The following SLC52A3 variants were observed in gnomAD, a reference collection of about 807,000 sequenced individuals.
SLC52A3 encodes the protein solute carrier family 52, riboflavin transporter, member 3.
Under a neutral mutation model 29.5 loss-of-function variants are expected in SLC52A3, and 20 were observed. That is an observed-to-expected ratio of 0.68 (90% CI 0.48 to 0.99). The LOEUF (loss-of-function observed/expected upper bound fraction) is 0.99, where lower values mean the gene tolerates loss of function less well. Among genes scored for constraint, SLC52A3 ranks in the 50% least tolerant of loss-of-function variants. The pLI is 0.00. For synonymous variants in SLC52A3, 301 were observed against 271.0 expected (o/e 1.11, Z -1.09); for missense variants, 548 against 612.9 (o/e 0.89, Z 1.12).
At chr20:773,258 G>A (rs561653179), upstream of SLC52A3, among the ~76,000 whole-genome samples, 7 of 152,308 alleles carry the variant, frequency 4.6e-5, no homozygotes, top group African/African-American at 1.7e-4. Context: ...AACCATAGCT[G>A]CCACTCCTCA....
upstream of SLC52A3, among the ~76,000 whole-genome samples, chr20:778,766 G>T (rs1020825651): frequency 6.8e-6 from 1 of 147,742 alleles, no homozygotes; most frequent in African/African-American, 2.5e-5. Context: ...TCACTCTGTC[G>T]CCCAGGCTGG....
Position 760,624 on chromosome 20 carries a change from A to C in SLC52A3, c.*402T>G. The C allele has an allele frequency of 9.3e-6, 2 of 214,398 alleles. No individual in the cohort carries two copies. Among genetic ancestry groups the C allele is most frequent in the East Asian group, 1.1e-4 (1 of 9,426 alleles). The allele number at this position is 214,398 out of a possible 1,614,324, so 13.3% of individuals were successfully genotyped here. A position where few individuals can be genotyped will look rare whatever the true frequency, so the allele number is the denominator to read the frequency against. Reference sequence around the variant, plus strand: ...GTGCCATGCCTGTGAGGTAGTTGGTACTTACTGGAATCCCCACTGCATGCA... The same window carrying C: ...GTGCCATGCCTGTGAGGTAGTTGGTCCTTACTGGAATCCCCACTGCATGCA... On this transcript the variant is annotated 3_prime_UTR_variant, in exon 5 of 5. Coordinates refer to ENST00000645534, the MANE Select transcript of SLC52A3 (RefSeq NM_033409.4). The surrounding 1 kb of genome is among the most constrained non-coding windows in gnomAD (Gnocchi z 4.9).
chr20:763,171 A>G (rs1986546650), intron 3 of SLC52A3, among the ~76,000 whole-genome samples: 1 of 152,220 alleles, frequency 6.6e-6, no homozygotes, highest in South Asian at 2.1e-4. Flanking sequence ...ACTGATGACA[A>G]TGATGGTCAA....
intron 1 of SLC52A3, among the ~76,000 whole-genome samples, 165 bp downstream of exon 1, chr20:768,132 C>T (rs943613642): frequency 6.6e-6 from 1 of 152,212 alleles, no homozygotes; most frequent in African/African-American, 2.4e-5. Flanking sequence ...CTGTTTCCAA[C>T]AGTCCCAGCA....
Position 765,194 on chromosome 20 carries a change from G to C in SLC52A3, c.567+14C>G. ...AAGCCAAGTGCTGAGATGGCTCCGGGTGATGCTGGGTACCTGTGCGATGTC... is the reference window on the plus strand; with the variant it reads ...AAGCCAAGTGCTGAGATGGCTCCGGCTGATGCTGGGTACCTGTGCGATGTC... On this transcript the variant is annotated intron_variant, in intron 2 of 4. Transcript: ENST00000645534. This position sits in a 1 kb window ranked among gnomAD's most constrained non-coding sequence, Gnocchi z 6.6. 6.2e-7 allele frequency: 1 copy of C among 1,614,112 alleles called. No individual in the cohort carries two copies. The highest frequency in any genetic ancestry group is 8.5e-7 in the Non-Finnish European group (1 of 1,179,972).
chr20:764,010 A>G lies in SLC52A3; in HGVS notation c.568-7T>C. 1 of 1,428,320 alleles carries G rather than the reference A, an allele frequency of 7.0e-7. No homozygotes were observed. The highest frequency in any genetic ancestry group is 9.4e-7 in the Non-Finnish European group (1 of 1,062,804). The allele number at this position is 1,428,320 out of a possible 1,614,324, so 88.5% of individuals were successfully genotyped here. ...CCAAAGCTCTGGGAACTCCCTGCAA[A>G]GGACAAGACAGATCCCTGGTCAGGG... On this transcript the variant is annotated splice_region_variant and splice_polypyrimidine_tract_variant and intron_variant, in intron 2 of 4. Coordinates refer to ENST00000645534, the MANE Select transcript of SLC52A3 (RefSeq NM_033409.4).
At chr20:771,399 C>T (rs959313598), upstream of SLC52A3, among the ~76,000 whole-genome samples, 14 of 151,402 alleles carry the variant, frequency 9.2e-5, no homozygotes, top group South Asian at 2.1e-4. Flanking sequence ...TGCACTCTAG[C>T]CTCGGCGACA....
At chr20:774,970 A>G (rs982546832) in intron 1 of SLC52A3, among the ~76,000 whole-genome samples, 1 of 152,266 alleles carries the variant, frequency 6.6e-6, no homozygotes, top group Admixed American at 6.5e-5. Flanking sequence ...GGGAATGCCC[A>G]GCCTTTCTGG....
chr20:764,114 A>C, intron 2 of SLC52A3, 111 bp from the exon 3 acceptor site: 1 of 1,145,470 alleles, frequency 8.7e-7, no homozygotes, highest in Non-Finnish European at 1.2e-6. Flanking sequence ...ATGGATAATG[A>C]ATAAATAAAC....
In SLC52A3 at chr20:765,158, C is replaced by A. The variant is rs770232217; in HGVS notation, c.567+50G>T. On this transcript the variant is annotated intron_variant, in intron 2 of 4. Transcript: ENST00000645534. The surrounding 1 kb of genome is among the most constrained non-coding windows in gnomAD (Gnocchi z 6.6). ...AGGTGAGCAGTTTTTCCCTCCCCTA[C>A]ATTTGTGATAAAGCCAAGTGCTGAG... 1.2e-6 allele frequency: 2 copies of A among 1,607,964 alleles called. No individual in the cohort carries two copies. Among genetic ancestry groups the A allele is most frequent in the Admixed American group, 1.7e-5 (1 of 59,972 alleles).
At chr20:763,125 A>G (rs1322347372) in intron 3 of SLC52A3, among the ~76,000 whole-genome samples, 1 of 152,186 alleles carries the variant, frequency 6.6e-6, no homozygotes, top group Non-Finnish European at 1.5e-5. Flanking sequence ...CCCCTTATAA[A>G]CGGGAACCTC....
chr20:761,346 T>C, intron 4 of SLC52A3, 108 bp from the exon 5 acceptor site: 2 of 1,241,230 alleles, frequency 1.6e-6, no homozygotes, highest in Non-Finnish European at 1.1e-6. Context: ...ACTCTCTAGG[T>C]GCGAGGAGCG....
upstream of SLC52A3, among the ~76,000 whole-genome samples, chr20:779,178 A>G (rs1051439234): frequency 6.6e-5 from 10 of 152,372 alleles, no homozygotes; most frequent in East Asian, 1.7e-3. Flanking sequence ...ATAATCTTAT[A>G]TGGTAAATTC....
rs371883183 is a variant in SLC52A3, at chr20:761,097, T to C, written c.1339A>G (p.Met447Val). The change falls in exon 5 of 5, where the codon ATG becomes GTG. Residue 447 changes from methionine (M) to valine (V), a missense_variant. Physicochemically the swap from Met to Val is conservative, Grantham distance 21. This residue lies in a region of SLC52A3 where 173 missense variants were observed against 141.8 expected (regional missense o/e 1.22). Transcript: ENST00000645534. The part of the protein sequence containing the change: ...QLGSLLGALL[M>V]FPLVNVLRLF... ...CGCAGCACGTTGACCAGAGGGAACATGAGCAGCGCTCCGAGCAGCGAGCCC... is the reference window on the plus strand; with the variant it reads ...CGCAGCACGTTGACCAGAGGGAACACGAGCAGCGCTCCGAGCAGCGAGCCC... 6.2e-6 allele frequency: 10 copies of C among 1,608,216 alleles called. No individual in the cohort carries two copies. Among genetic ancestry groups the C allele is most frequent in the East Asian group, 2.2e-5 (1 of 44,576 alleles).
chr20:774,830 TC>T (rs1339210578), intron 1 of SLC52A3, among the ~76,000 whole-genome samples: 1 of 152,148 alleles, frequency 6.6e-6, no homozygotes, highest in Admixed American at 6.5e-5. Context: ...AGATAGTGCT[TC>T]CCCGAACCCT....
chr20:761,792 A>G lies in SLC52A3; in HGVS notation c.1106T>C (p.Leu369Pro). The change falls in exon 4 of 5, where the codon CTT becomes CCT. Residue 369 changes from leucine to proline, a missense_variant. Coordinates refer to ENST00000645534, the MANE Select transcript of SLC52A3 (RefSeq NM_033409.4). The stretch of plus-strand genomic sequence containing the variant: ...GTTGTAGCCCCCAAAGCAGGTCCCA[A>G]GCACGGAGAGGACCCCCAGGAACAG... ...SLLFLGVLSVLGTCFGGYNMA... is the reference protein window; with the variant it reads ...SLLFLGVLSVPGTCFGGYNMA... The G allele has an allele frequency of 6.2e-7, 1 of 1,614,206 alleles. No homozygotes were observed. The highest frequency in any genetic ancestry group is 8.5e-7 in the Non-Finnish European group (1 of 1,180,028).
intron 4 of SLC52A3, 55 bp from the exon 5 acceptor site, chr20:761,293 C>G: frequency 6.7e-7 from 1 of 1,495,976 alleles, no homozygotes; most frequent in Non-Finnish European, 9.0e-7. Flanking sequence ...GGGCGAGCGC[C>G]GGAGCAAAGA....
chr20:775,792 A>C (rs1273761147), intron 1 of SLC52A3, among the ~76,000 whole-genome samples: 1 of 152,194 alleles, frequency 6.6e-6, no homozygotes, highest in Non-Finnish European at 1.5e-5. Flanking sequence ...CTCTCCCGAC[A>C]TGGCAGCCTG....
upstream of SLC52A3, among the ~76,000 whole-genome samples, chr20:779,609 C>T (rs1021130834): frequency 2.0e-5 from 3 of 152,080 alleles, no homozygotes; most frequent in Non-Finnish European, 4.4e-5. Context: ...ACAAGAGTGA[C>T]ATTCCATCTA....
Sources: gnomAD v4.1 joint callset for allele counts (sites outside exome capture counted in the v4.1 genomes callset) on GRCh38, gnomAD v4.1.1 for gene constraint, gnomAD v4.1.1 regional missense constraint, Gnocchi (gnomAD v3.1) non-coding constraint, MANE v1.5 for transcripts, NCBI Gene and HGNC (gene_info 2026-07-23, HGNC 2026-07-21) for gene names.